PAPSS2: variants seen among roughly 807,000 people sequenced by gnomAD.
PAPSS2 encodes the protein bifunctional 3'-phosphoadenosine 5'-phosphosulfate synthase 2.
Under a neutral mutation model 66.5 loss-of-function variants are expected in PAPSS2, and 61 were observed. That is an observed-to-expected ratio of 0.92 (90% CI 0.75 to 1.14). The LOEUF is 1.14. Ranked by LOEUF, PAPSS2 falls within the 50% of genes most tolerant of loss-of-function variation. The pLI, the probability that PAPSS2 is intolerant of heterozygous loss-of-function variation, is 0.00. For synonymous variants in PAPSS2, 289 were observed against 287.5 expected, an observed-to-expected ratio of 1.01 and a Z score of -0.05; for missense variants, 708 against 789.6, an observed-to-expected ratio of 0.90 and a Z score of 1.24.
chr10:87,723,929 T>C (rs915466709), intron 8 of PAPSS2, among the ~76,000 whole-genome samples: 5 of 152,234 alleles, frequency 3.3e-5, no homozygotes, highest in South Asian at 2.1e-4. Context: ...TTGCTTCCTC[T>C]GGAGTTAAAT....
intron 7 of PAPSS2, among the ~76,000 whole-genome samples, chr10:87,718,776 T>C (rs577829330): frequency 1.3e-5 from 2 of 152,350 alleles, no homozygotes; most frequent in African/African-American, 4.8e-5. Flanking sequence ...TTAACCTCAA[T>C]TGAAGACTGT....
At position 87,729,236 on chromosome 10, in the gene PAPSS2, CTT is replaced by C. The variant is rs36029935; in HGVS notation, c.1086+1758_1086+1759del. Among the ~76,000 whole-genome samples, 333 of 47,892 alleles carry C rather than the reference CTT, an allele frequency of 7.0e-3. 2 individuals are homozygous for C. Among genetic ancestry groups the C allele is most frequent in the African/African-American group, 0.022 (305 of 13,920 alleles). 31.4% of individuals were successfully genotyped at this position (47,892 alleles called of 152,430 possible). On this transcript the variant is annotated intron_variant, in intron 9 of 12. Coordinates refer to ENST00000456849, the MANE Select transcript of PAPSS2 (RefSeq NM_001015880.2). ...GCTTCACAGATTTTGCTTTTCTTTTCTTTTTTTTTTTTAACAAATTGAAGGTT... is the reference window on the plus strand; with the variant it reads ...GCTTCACAGATTTTGCTTTTCTTTTCTTTTTTTTTTAACAAATTGAAGGTT...
At chr10:87,660,048 C>G (rs1472296234) in intron 1 of PAPSS2, 40 bp downstream of exon 1, 5 of 1,596,572 alleles carry the variant, frequency 3.1e-6, no homozygotes, top group South Asian at 2.2e-5. Context: ...CGCCACCGCA[C>G]TGCACGCGCC....
rs763883544 is a variant in PAPSS2 at position 87,741,217 on chromosome 10, T to G, written c.1087-18T>G. ...AATCACAATTAATCATTAGCAATCA[T>G]AACAATGTTCTTTCTAGATGGTGAT... On this transcript the variant is annotated intron_variant, in intron 9 of 12. Transcript: ENST00000456849. 1.2e-6 allele frequency: 2 copies of G among 1,612,880 alleles called. No individual in the cohort carries two copies. The highest frequency in any genetic ancestry group is 1.7e-6 in the Non-Finnish European group (2 of 1,178,870).
At chr10:87,701,370 TTC>T in intron 1 of PAPSS2, among the ~76,000 whole-genome samples, 1 of 116,084 alleles carries the variant, frequency 8.6e-6, no homozygotes, top group East Asian at 2.5e-4. Flanking sequence ...CTTTCTTTCT[TTC>T]TTTCTTTCTT....
chr10:87,695,965 G>T (rs1853229695), intron 1 of PAPSS2, among the ~76,000 whole-genome samples: 1 of 152,116 alleles, frequency 6.6e-6, no homozygotes, highest in Non-Finnish European at 1.5e-5. Flanking sequence ...ACTTCCCCTG[G>T]CCTCACTGTC....
At chr10:87,740,968 G>T (rs1477883061) in intron 9 of PAPSS2, among the ~76,000 whole-genome samples, 2 of 152,124 alleles carry the variant, frequency 1.3e-5, no homozygotes, top group African/African-American at 4.8e-5. Context: ...CATTTTTAAA[G>T]GTTCTCAGTT....
chr10:87,713,045 A>G (rs778524614), intron 2 of PAPSS2, 30 bp from the exon 3 acceptor site: 7 of 1,224,828 alleles, frequency 5.7e-6, no homozygotes, highest in Non-Finnish European at 8.5e-6. Context: ...ATCCAGGCCG[A>G]TGTCAGTCTG....
rs186441072 is a variant in PAPSS2, at chr10:87,682,529, G to T, written c.27+22521G>T. On this transcript the variant is annotated intron_variant, in intron 1 of 12. Transcript: ENST00000456849. ...GTTCATTAAGTCCATAAAATGGAAA[G>T]CACATGTAGGATAATAACACAGATA... 7.2e-5 allele frequency among the ~76,000 whole-genome samples: 11 copies of T among 152,262 alleles called. No individual in the cohort carries two copies. In the East Asian group the frequency reaches 2.1e-3, roughly 29 times the overall value.
At chr10:87,717,517 T>C (rs957016190) in intron 7 of PAPSS2, among the ~76,000 whole-genome samples, 2 of 152,178 alleles carry the variant, frequency 1.3e-5, no homozygotes, top group Non-Finnish European at 2.9e-5. Context: ...AGCATTTTCC[T>C]GGGTTGAGAA....
rs768431379 is a variant in PAPSS2, at chr10:87,714,033, T to C, written c.382-11T>C. On this transcript the variant is annotated splice_polypyrimidine_tract_variant and intron_variant, in intron 3 of 12. Coordinates refer to ENST00000456849, the MANE Select transcript of PAPSS2 (RefSeq NM_001015880.2). The stretch of plus-strand genomic sequence containing the variant: ...ACCTCTTTTTACATTCTTAATCATA[T>C]TGCTTTTCAGGATCGTGAGAATGCC... The C allele has an allele frequency of 5.0e-6, 8 of 1,613,828 alleles. No individual in the cohort carries two copies. Among genetic ancestry groups the C allele is most frequent in the Middle Eastern group, 1.7e-4 (1 of 6,052 alleles).
chr10:87,744,045 T>C lies in PAPSS2; in HGVS notation c.1491+404T>C, dbSNP rs1031295838. ...TGAACCTGGGAGGTGGAGGTTGCAG[T>C]GAGCCGAGATCATGCCACTGCACTC... On this transcript the variant is annotated intron_variant, in intron 11 of 12. Transcript: ENST00000456849. Among the ~76,000 whole-genome samples the C allele has an allele frequency of 8.6e-5, 13 of 151,860 alleles. No homozygotes were observed. The South Asian group carries it at 1.0e-3, about 12-fold the overall frequency.
At chr10:87,661,019 C>G (rs777311123) in intron 1 of PAPSS2, 10 of 455,970 alleles carry the variant, frequency 2.2e-5, no homozygotes, top group Admixed American at 9.4e-5. Context: ...ATGGGTTGAC[C>G]TCTCTCTAGT....
chr10:87,690,100 T>C (rs1016895365), intron 1 of PAPSS2, among the ~76,000 whole-genome samples: 1 of 152,206 alleles, frequency 6.6e-6, no homozygotes, highest in Non-Finnish European at 1.5e-5. Context: ...TAGCAATTAA[T>C]CCCACAGATA....
At chr10:87,703,006 C>T (rs1295668828) in intron 1 of PAPSS2, among the ~76,000 whole-genome samples, 1 of 152,134 alleles carries the variant, frequency 6.6e-6, no homozygotes, top group Non-Finnish European at 1.5e-5. Flanking sequence ...TTTGGCAGTC[C>T]TCTTTCTGTG....
intron 9 of PAPSS2, among the ~76,000 whole-genome samples, chr10:87,731,911 A>T: frequency 6.6e-6 from 1 of 152,332 alleles, no homozygotes; most frequent in East Asian, 1.9e-4. Context: ...GCAACAAAGT[A>T]TTCAGAATAT....
chr10:87,683,891 C>T (rs1258855338), intron 1 of PAPSS2, among the ~76,000 whole-genome samples: 2 of 151,936 alleles, frequency 1.3e-5, no homozygotes, highest in African/African-American at 4.8e-5. Flanking sequence ...ATGGGGGTTT[C>T]GCTATGTTGC....
At chr10:87,698,897 A>C (rs1338039197) in intron 1 of PAPSS2, among the ~76,000 whole-genome samples, 1 of 152,166 alleles carries the variant, frequency 6.6e-6, no homozygotes, top group Non-Finnish European at 1.5e-5. Context: ...TATGTTATGA[A>C]ATTTTAATTT....
intron 1 of PAPSS2, among the ~76,000 whole-genome samples, chr10:87,685,044 A>T (rs1205479327): frequency 2.0e-5 from 3 of 152,136 alleles, no homozygotes; most frequent in Admixed American, 2.0e-4. Context: ...TGGCTCTCAG[A>T]TCCAGTTTTC....
Sources: gnomAD v4.1 joint callset for allele counts (sites outside exome capture counted in the v4.1 genomes callset) on GRCh38, gnomAD v4.1.1 for gene constraint, MANE v1.5 for transcripts, NCBI Gene and HGNC (gene_info 2026-07-23, HGNC 2026-07-21) for gene names.